NRXN1: variants seen among roughly 807,000 people sequenced by gnomAD.
The protein encoded by NRXN1 is neurexin-1.
Under a neutral mutation model 150.9 loss-of-function variants are expected in NRXN1, and 39 were observed. The ratio of observed to expected loss-of-function variants is 0.26; its 90% CI spans 0.20 to 0.34. The LOEUF (loss-of-function observed/expected upper bound fraction) is 0.34. Ranked by LOEUF, NRXN1 falls within the 10% of genes least tolerant of loss-of-function variation. The pLI is 1.00. For synonymous variants in NRXN1, 924 were observed against 757.0 expected (o/e 1.22, Z -3.62); for missense variants, 1,815 against 1,949.9 (o/e 0.93, Z 1.30).
chr2:50,425,332 C>T (rs182388317), intron 17 of NRXN1, among the ~76,000 whole-genome samples: 6 of 152,248 alleles, frequency 3.9e-5, no homozygotes, highest in African/African-American at 1.2e-4. Context: ...TTAACCTACA[C>T]GTCTGGATAT....
At chr2:50,024,999 T>C (rs1036155157) in intron 21 of NRXN1, among the ~76,000 whole-genome samples, 2 of 152,112 alleles carry the variant, frequency 1.3e-5, no homozygotes, top group Non-Finnish European at 2.9e-5. Flanking sequence ...AGTTTTCAGA[T>C]GGTGTGATTT....
intron 18 of NRXN1, among the ~76,000 whole-genome samples, chr2:50,133,112 T>C (rs1368017587): frequency 2.0e-5 from 3 of 152,150 alleles, no homozygotes; most frequent in Admixed American, 6.5e-5. Context: ...AGTAATTTAG[T>C]AGTCAGGTGT....
At chr2:50,683,400 AG>A (rs2104815368) in intron 5 of NRXN1, among the ~76,000 whole-genome samples, 1 of 150,826 alleles carries the variant, frequency 6.6e-6, no homozygotes, top group Admixed American at 6.6e-5. Flanking sequence ...TGGGAGGCCG[AG>A]GTGGGCGGAT....
chr2:50,944,446 A>G (rs1689995107), intron 2 of NRXN1, among the ~76,000 whole-genome samples: 1 of 152,178 alleles, frequency 6.6e-6, no homozygotes, highest in Non-Finnish European at 1.5e-5. Context: ...TTTAAGGACA[A>G]ATTAGTAAAA....
At chr2:50,013,992 G>A (rs1300589352) in intron 21 of NRXN1, among the ~76,000 whole-genome samples, 2 of 152,052 alleles carry the variant, frequency 1.3e-5, no homozygotes, top group African/African-American at 2.4e-5. Flanking sequence ...CCTCAAAGAA[G>A]GGAAGCAATG....
intron 17 of NRXN1, among the ~76,000 whole-genome samples, chr2:50,385,178 T>C (rs1851015): frequency 0.22 from 33,987 of 152,160 alleles, 4,246 homozygotes; most frequent in East Asian, 0.43. Context: ...AACTTTCCCA[T>C]TTTAAAAATG....
intron 21 of NRXN1, among the ~76,000 whole-genome samples, chr2:50,001,262 A>G (rs1451098437): frequency 1.3e-5 from 2 of 152,152 alleles, no homozygotes; most frequent in East Asian, 3.9e-4. Context: ...ATAAAATAAC[A>G]TTTATGGATT....
At chr2:50,613,399 G>C (rs1329909575) in intron 8 of NRXN1, among the ~76,000 whole-genome samples, 1 of 152,080 alleles carries the variant, frequency 6.6e-6, no homozygotes, top group African/African-American at 2.4e-5. Context: ...TTAGAACATG[G>C]CTACTTTGTG....
At chr2:50,734,563 G>T (rs1386837045) in intron 5 of NRXN1, among the ~76,000 whole-genome samples, 3 of 152,032 alleles carry the variant, frequency 2.0e-5, no homozygotes, top group African/African-American at 7.2e-5. Context: ...TCATAAAAAG[G>T]CAGTGAGAAC....
intron 8 of NRXN1, among the ~76,000 whole-genome samples, chr2:50,565,871 T>C (rs1167488435): frequency 6.6e-6 from 1 of 152,176 alleles, no homozygotes; most frequent in African/African-American, 2.4e-5. Context: ...TCTCCCTGTC[T>C]GGAAGGGCAA....
intron 17 of NRXN1, among the ~76,000 whole-genome samples, chr2:50,461,500 G>T (rs1234354129): frequency 6.6e-6 from 1 of 152,000 alleles, no homozygotes; most frequent in Non-Finnish European, 1.5e-5. Context: ...GCTTAATATG[G>T]TAACATTCTA....
intron 5 of NRXN1, among the ~76,000 whole-genome samples, chr2:50,807,575 G>A (rs1187202409): frequency 6.6e-6 from 1 of 152,096 alleles, no homozygotes; most frequent in African/African-American, 2.4e-5. Flanking sequence ...TGTTAACAGT[G>A]TTTCCCCAGC....
intron 21 of NRXN1, among the ~76,000 whole-genome samples, chr2:49,959,574 C>T (rs1443720023): frequency 6.6e-6 from 1 of 152,190 alleles, no homozygotes; most frequent in Non-Finnish European, 1.5e-5. Flanking sequence ...TGGAGTCAGA[C>T]TTACCCAAGT....
chr2:50,449,347 A>G (rs960898053), intron 17 of NRXN1, among the ~76,000 whole-genome samples: 4 of 152,220 alleles, frequency 2.6e-5, no homozygotes, highest in Non-Finnish European at 5.9e-5. Flanking sequence ...AAAAGACGAC[A>G]TTATTTCTTT....
intron 17 of NRXN1, among the ~76,000 whole-genome samples, chr2:50,425,483 T>G (rs2084402146): frequency 6.6e-6 from 1 of 152,194 alleles, no homozygotes; most frequent in African/African-American, 2.4e-5. Flanking sequence ...CTAGTTTTTA[T>G]TTTTATTTCT....
At chr2:50,480,247 G>C (rs2090360318) in intron 15 of NRXN1, among the ~76,000 whole-genome samples, 1 of 152,206 alleles carries the variant, frequency 6.6e-6, no homozygotes, top group Non-Finnish European at 1.5e-5. Flanking sequence ...GATGAAGATA[G>C]AGGTGTAGAA....
In NRXN1 at chr2:50,198,929, C is replaced by T. The variant is rs2061959019; in HGVS notation, c.3546+37860G>A. Among the ~76,000 whole-genome samples the T allele has an allele frequency of 2.0e-5, 3 of 152,080 alleles. 1 individual carries two copies. Among genetic ancestry groups the T allele is most frequent in the Admixed American group, 6.6e-5 (1 of 15,242 alleles). ...AGGCCTAATTTTGTCCCCAGAGCTA[C>T]AAAGGTGTATGGCATGGCTGACACT... On this transcript the variant is annotated intron_variant, in intron 18 of 22. Coordinates refer to ENST00000401669, the MANE Select transcript of NRXN1 (RefSeq NM_001330078.2).
At chr2:50,667,613 T>C (rs1015799642) in intron 5 of NRXN1, among the ~76,000 whole-genome samples, 2 of 151,948 alleles carry the variant, frequency 1.3e-5, no homozygotes, top group Non-Finnish European at 2.9e-5. Flanking sequence ...CTCTGAGTTT[T>C]CTCCTTATAT....
In NRXN1 at chr2:50,347,680, G is replaced by C. The variant is rs2078135967; in HGVS notation, c.3365-110710C>G. 3.0e-6 allele frequency: 3 copies of C among 987,316 alleles called. No individual in the cohort carries two copies. Among genetic ancestry groups the C allele is most frequent in the Non-Finnish European group, 3.6e-6 (3 of 831,120 alleles). The allele number at this position is 987,316 out of a possible 1,614,324, so 61.2% of individuals were successfully genotyped here. The stretch of plus-strand genomic sequence containing the variant: ...TGAAGGAAGTGGGAATCGAACGGCG[G>C]AAAGGCAGCTGAGAAGAAGATGCAG... On this transcript the variant is annotated intron_variant, in intron 17 of 22. Transcript: ENST00000401669. This position sits in a 1 kb window ranked among gnomAD's most constrained non-coding sequence, Gnocchi z 4.9.
Sources: gnomAD v4.1 joint callset for allele counts (sites outside exome capture counted in the v4.1 genomes callset) on GRCh38, gnomAD v4.1.1 for gene constraint, Gnocchi (gnomAD v3.1) non-coding constraint, MANE v1.5 for transcripts, NCBI Gene and HGNC (gene_info 2026-07-23, HGNC 2026-07-21) for gene names.